Variants in MEIOB observed in about 807,000 individuals in gnomAD.
The protein encoded by MEIOB is meiosis-specific with OB domain-containing protein.
In MEIOB, 50 loss-of-function variants were observed where a neutral mutation model predicts 53.1. The ratio of observed to expected loss-of-function variants is 0.94; its 90% confidence interval spans 0.75 to 1.19. The LOEUF is 1.19. MEIOB is among the 50% of genes most tolerant of loss of function. MEIOB has a pLI of 0.00. For synonymous variants in MEIOB, 192 were observed against 182.5 expected, an observed-to-expected ratio of 1.05 and a Z score of -0.42; for missense variants, 551 against 550.8, an observed-to-expected ratio of 1.00 and a Z score of 0.00.
At chr16:1,856,241 C>T (rs1466350822) in intron 6 of MEIOB, among the ~76,000 whole-genome samples, 3 of 151,776 alleles carry the variant, frequency 2.0e-5, no homozygotes, top group Non-Finnish European at 4.4e-5. Flanking sequence ...CTGCAACCTC[C>T]ACCTTCCAGG....
chr16:1,854,135 G>A lies in MEIOB; in HGVS notation c.594C>T (p.Leu198=). 6.4e-7 allele frequency: 1 copy of A among 1,551,176 alleles called. No homozygotes were observed. The highest frequency in any genetic ancestry group is 8.7e-7 in the Non-Finnish European group (1 of 1,146,760). Residue 198 remains leucine, a synonymous_variant, in exon 7 of 14, where the codon CTC becomes CTT. Coordinates refer to ENST00000325962, the MANE Select transcript of MEIOB (RefSeq NM_001163560.3). ...CAAAAGACGACTCTGTTTCATCATAGAGTCTAACTTCACACCTCTGGCCTT... is the reference window on the plus strand; with the variant it reads ...CAAAAGACGACTCTGTTTCATCATAAAGTCTAACTTCACACCTCTGGCCTT... ...RRKGQRCEVR[L]YDETESSFAM...
chr16:1,869,080 G>C (rs1237576257), intron 1 of MEIOB, among the ~76,000 whole-genome samples: 1 of 151,940 alleles, frequency 6.6e-6, no homozygotes, highest in African/African-American at 2.4e-5. Flanking sequence ...TAGTTTTTGA[G>C]CACCATGTAA....
intron 9 of MEIOB, among the ~76,000 whole-genome samples, chr16:1,845,942 C>T (rs1393745866): frequency 6.6e-6 from 1 of 152,150 alleles, no homozygotes; most frequent in African/African-American, 2.4e-5. Context: ...CTGGGAAGAT[C>T]TGGGCATTTC....
chr16:1,839,518 T>A, intron 11 of MEIOB, 80 bp from the exon 12 acceptor site: 1 of 1,304,786 alleles, frequency 7.7e-7, no homozygotes, highest in Non-Finnish European at 1.1e-6. Flanking sequence ...GAATTGTCAC[T>A]AAAAACTCTA....
intron 9 of MEIOB, among the ~76,000 whole-genome samples, chr16:1,848,737 T>G (rs949392542): frequency 1.3e-5 from 2 of 151,974 alleles, no homozygotes; most frequent in Non-Finnish European, 2.9e-5. Context: ...AGAGATGATA[T>G]TTCACCATGT....
At chr16:1,850,631 C>CAT (rs1212564235) in intron 9 of MEIOB, among the ~76,000 whole-genome samples, 1 of 149,406 alleles carries the variant, frequency 6.7e-6, no homozygotes, top group African/African-American at 2.5e-5. Context: ...AATAATAAAC[C>CAT]ATACATAGGC....
chr16:1,870,401 A>C (rs949331141), intron 1 of MEIOB, among the ~76,000 whole-genome samples: 1 of 152,220 alleles, frequency 6.6e-6, no homozygotes. Context: ...GGGCCTCTTT[A>C]ACTCTGGGAA....
At chr16:1,860,904 G>C (rs1355954926) in intron 4 of MEIOB, among the ~76,000 whole-genome samples, 1 of 152,076 alleles carries the variant, frequency 6.6e-6, no homozygotes, top group Non-Finnish European at 1.5e-5. Context: ...TTAAAGAGGA[G>C]TGTTTTCATT....
rs146295802 is a variant in MEIOB, at chr16:1,836,547, C to A, written c.1305+1237G>T. Among the ~76,000 whole-genome samples, 290 of 147,388 alleles carry A rather than the reference C, an allele frequency of 2.0e-3. 3 individuals are homozygous for A. The highest frequency in any genetic ancestry group is 6.9e-3 in the African/African-American group (282 of 40,988). On this transcript the variant is annotated intron_variant, in intron 13 of 13. Coordinates refer to ENST00000325962, the MANE Select transcript of MEIOB (RefSeq NM_001163560.3). The stretch of plus-strand genomic sequence containing the variant: ...GTTGAAGAGATGCAGCATCTTACTG[C>A]AACTTTACTGCCTTTGGCCTGGTAG...
rs940218784 is a variant in MEIOB at position 1,838,019 on chromosome 16, C to T, written c.1219-149G>A. The stretch of plus-strand genomic sequence containing the variant: ...AATCGTTTGTTTTTGTTTGTAGAGA[C>T]AGGGTCTCACTCTGTCGCCCAAGCT... On this transcript the variant is annotated intron_variant, in intron 12 of 13. Coordinates refer to ENST00000325962, the MANE Select transcript of MEIOB (RefSeq NM_001163560.3). The T allele has an allele frequency of 5.0e-6, 7 of 1,402,868 alleles. No individual in the cohort carries two copies. The East Asian group carries it at 1.5e-4, about 30-fold the overall frequency. The allele number at this position is 1,402,868 out of a possible 1,614,324, so 86.9% of individuals were successfully genotyped here.
At chr16:1,864,075 G>A (rs528537271) in intron 3 of MEIOB, among the ~76,000 whole-genome samples, 1 of 152,288 alleles carries the variant, frequency 6.6e-6, no homozygotes, top group East Asian at 1.9e-4. Context: ...GACCACTTGA[G>A]CCCAGGGTTG....
At position 1,839,246 on chromosome 16, in the gene MEIOB, G is replaced by A. The variant is rs1265811930; in HGVS notation, c.1218+9C>T. The A allele has an allele frequency of 6.4e-7, 1 of 1,556,422 alleles. No homozygotes were observed. Among genetic ancestry groups the A allele is most frequent in the Non-Finnish European group, 8.7e-7 (1 of 1,153,134 alleles). ...ATATTCTAAACATTTCTTCCTTTTT[G>A]CTATTTACCGTGCAGCCCAAAGTCT... On this transcript the variant is annotated intron_variant, in intron 12 of 13. Transcript: ENST00000325962.
intron 5 of MEIOB, among the ~76,000 whole-genome samples, chr16:1,859,251 C>T (rs952486657): frequency 7.2e-5 from 11 of 152,118 alleles, no homozygotes; most frequent in Non-Finnish European, 1.5e-4. Context: ...ATAGAAAATA[C>T]AAAAGTTTGG....
chr16:1,846,460 C>T (rs966689159), intron 9 of MEIOB, among the ~76,000 whole-genome samples: 2 of 152,144 alleles, frequency 1.3e-5, no homozygotes, highest in African/African-American at 4.8e-5. Flanking sequence ...CCATTTAGAG[C>T]TTCTTAATTT....
chr16:1,857,717 G>T lies in MEIOB; in HGVS notation c.528+18C>A, dbSNP rs1490932949. 1.3e-6 allele frequency: 2 copies of T among 1,548,202 alleles called. No homozygotes were observed. Among genetic ancestry groups the T allele is most frequent in the Non-Finnish European group, 1.7e-6 (2 of 1,145,042 alleles). The stretch of plus-strand genomic sequence containing the variant: ...CCCCTGCCAGATTGCACTTGGCTTT[G>T]TCGGGGTTTTAACTTACCGATTTCA... On this transcript the variant is annotated intron_variant, in intron 6 of 13. Transcript: ENST00000325962.
chr16:1,840,478 A>G (rs62038424), intron 11 of MEIOB, among the ~76,000 whole-genome samples: 27,028 of 151,966 alleles, frequency 0.18, 2,573 homozygotes, highest in South Asian at 0.27. Context: ...GTGACATGGT[A>G]CTATCACTTG....
chr16:1,861,567 G>A, intron 4 of MEIOB, among the ~76,000 whole-genome samples: 1 of 128,150 alleles, frequency 7.8e-6, no homozygotes. Flanking sequence ...TTTTGAGACA[G>A]GGTCTTACTC....
intron 10 of MEIOB, among the ~76,000 whole-genome samples, chr16:1,843,228 G>C (rs1482195877): frequency 6.6e-6 from 1 of 151,404 alleles, no homozygotes; most frequent in African/African-American, 2.4e-5. Context: ...GGGAGGCGGA[G>C]CTTGCAGTGA....
At chr16:1,871,646 T>G (rs1248527151) in intron 1 of MEIOB, among the ~76,000 whole-genome samples, 2 of 144,314 alleles carry the variant, frequency 1.4e-5, no homozygotes, top group Non-Finnish European at 3.0e-5. Flanking sequence ...TGGTTCAGCC[T>G]CCACAGTAGC....
Sources: gnomAD v4.1 joint callset for allele counts (sites outside exome capture counted in the v4.1 genomes callset) on GRCh38, gnomAD v4.1.1 for gene constraint, MANE v1.5 for transcripts, NCBI Gene and HGNC (gene_info 2026-07-23, HGNC 2026-07-21) for gene names.